The following ZFHX3 variants were observed in gnomAD, a reference collection of about 807,000 sequenced individuals.
The protein encoded by ZFHX3 is zinc finger homeobox protein 3.
A neutral mutation model predicts 279.1 loss-of-function variants in ZFHX3; 42 were observed. The ratio of observed to expected loss-of-function variants is 0.15; its 90% CI spans 0.12 to 0.19. The LOEUF (loss-of-function observed/expected upper bound fraction) is 0.19, where lower values mean the gene tolerates loss of function less well. ZFHX3 is among the 10% of genes least tolerant of loss of function. The probability of loss-of-function intolerance (pLI) is 1.00; values close to 1 mark genes in which losing one functional copy is unlikely to be tolerated. For synonymous variants in ZFHX3, 2,293 were observed against 1,957.8 expected (o/e 1.17, Z -4.52); for missense variants, 4,981 against 4,754.0 (o/e 1.05, Z -1.40).
At chr16:73,727,313 G>A (rs931346645) in intron 1 of ZFHX3, among the ~76,000 whole-genome samples, 7 of 152,198 alleles carry the variant, frequency 4.6e-5, no homozygotes, top group African/African-American at 1.7e-4. Flanking sequence ...AGCTACCATT[G>A]AGAAGAAATA....
At chr16:72,946,249 T>A (rs1483156415) in intron 3 of ZFHX3, among the ~76,000 whole-genome samples, 1 of 152,172 alleles carries the variant, frequency 6.6e-6, no homozygotes, top group Non-Finnish European at 1.5e-5. Flanking sequence ...CAAGCAGAGT[T>A]GGCTTGGACA....
intron 1 of ZFHX3, among the ~76,000 whole-genome samples, chr16:73,033,305 C>A (rs2144681591): frequency 6.6e-6 from 1 of 152,288 alleles, no homozygotes; most frequent in East Asian, 1.9e-4. Context: ...CAGTGTCTGA[C>A]TGAGGGAGAA....
At chr16:73,732,498 G>A (rs2053577311) in intron 1 of ZFHX3, among the ~76,000 whole-genome samples, 1 of 152,226 alleles carries the variant, frequency 6.6e-6, no homozygotes, top group Non-Finnish European at 1.5e-5. Context: ...TGTTTCATAT[G>A]TTTTAGGATT....
chr16:73,549,984 A>C (rs975997665), intron 2 of ZFHX3, among the ~76,000 whole-genome samples: 3 of 151,762 alleles, frequency 2.0e-5, no homozygotes, highest in Non-Finnish European at 4.4e-5. Context: ...CTCTATGTTT[A>C]GATAAAACAA....
intron 5 of ZFHX3, among the ~76,000 whole-genome samples, chr16:73,251,965 GCA>G (rs2013520759): frequency 6.7e-6 from 1 of 149,438 alleles, no homozygotes; most frequent in Non-Finnish European, 1.5e-5. Flanking sequence ...CACACACCAT[GCA>G]CACACACATA....
intron 8 of ZFHX3, among the ~76,000 whole-genome samples, chr16:73,085,048 A>T (rs1222488776): frequency 3.3e-5 from 5 of 152,174 alleles, no homozygotes; most frequent in African/African-American, 1.2e-4. Context: ...AGAAAAAAAA[A>T]GTCCTAGAAC....
At chr16:73,467,890 T>G (rs142910125) in intron 2 of ZFHX3, among the ~76,000 whole-genome samples, 2 of 152,178 alleles carry the variant, frequency 1.3e-5, no homozygotes, top group Admixed American at 1.3e-4. Context: ...CTGGGTAACC[T>G]GCTAAGAACA....
At chr16:73,372,908 C>T (rs2016656728) in intron 3 of ZFHX3, among the ~76,000 whole-genome samples, 1 of 152,182 alleles carries the variant, frequency 6.6e-6, no homozygotes, top group Admixed American at 6.5e-5. Flanking sequence ...CGCATGCAGA[C>T]ACCTTCACAC....
chr16:73,605,614 T>C (rs1463483809), intron 2 of ZFHX3, among the ~76,000 whole-genome samples: 1 of 151,202 alleles, frequency 6.6e-6, no homozygotes, highest in African/African-American at 2.4e-5. Context: ...CAAGCGGATA[T>C]CTGCTTACAA....
At chr16:73,531,869 G>C (rs189048839) in intron 2 of ZFHX3, among the ~76,000 whole-genome samples, 1 of 152,188 alleles carries the variant, frequency 6.6e-6, no homozygotes, top group East Asian at 1.9e-4. Context: ...CAGGAAGATT[G>C]CTTAAGACCA....
intron 2 of ZFHX3, among the ~76,000 whole-genome samples, chr16:73,638,462 T>A (rs1403938329): frequency 1.3e-5 from 2 of 152,220 alleles, no homozygotes; most frequent in African/African-American, 4.8e-5. Context: ...GTATAAAGGT[T>A]GTCACCTGAA....
chr16:73,351,479 G>A (rs183493589), intron 3 of ZFHX3, among the ~76,000 whole-genome samples: 2 of 152,316 alleles, frequency 1.3e-5, no homozygotes, highest in Admixed American at 6.5e-5. Context: ...GCTGTGCAGA[G>A]GGGCCTTCTC....
chr16:72,822,534 A>AT lies in ZFHX3; in HGVS notation c.3529+7244dup, dbSNP rs955676565. Among the ~76,000 whole-genome samples the AT allele has an allele frequency of 4.6e-5, 7 of 151,984 alleles. No homozygotes were observed. In the East Asian group the frequency reaches 5.8e-4, roughly 13 times the overall value. On this transcript the variant is annotated intron_variant, in intron 5 of 9. Transcript: ENST00000268489. ...ATCCCCCATGGAAAGGCACAATGGT[A>AT]TTTTTTTTAAATAATCATGATTATA...
At chr16:73,340,932 A>T (rs2016019805) in intron 3 of ZFHX3, among the ~76,000 whole-genome samples, 1 of 152,226 alleles carries the variant, frequency 6.6e-6, no homozygotes, top group Non-Finnish European at 1.5e-5. Flanking sequence ...CATTTAAAAA[A>T]TTGCATGAAA....
At chr16:72,900,136 CAAA>C (rs10669734) in intron 3 of ZFHX3, among the ~76,000 whole-genome samples, 1 of 63,386 alleles carries the variant, frequency 1.6e-5, no homozygotes, top group Non-Finnish European at 3.2e-5. Flanking sequence ...ATGCCCTTGC[CAAA>C]AAAAAAAAAA....
intron 2 of ZFHX3, among the ~76,000 whole-genome samples, chr16:73,586,712 G>A (rs2051930883): frequency 6.6e-6 from 1 of 152,110 alleles, no homozygotes; most frequent in African/African-American, 2.4e-5. Flanking sequence ...GTTATTGGCA[G>A]ATGAGGCAGA....
chr16:73,307,139 C>G (rs990220031), intron 4 of ZFHX3, among the ~76,000 whole-genome samples: 1 of 152,170 alleles, frequency 6.6e-6, no homozygotes, highest in South Asian at 2.1e-4. Context: ...TTCATACATC[C>G]CAACATGTTT....
At chr16:73,873,515 G>C (rs981852224) in intron 1 of ZFHX3, among the ~76,000 whole-genome samples, 3 of 152,086 alleles carry the variant, frequency 2.0e-5, no homozygotes, top group Non-Finnish European at 2.9e-5. Flanking sequence ...CACACCAATG[G>C]CTCAGAAATG....
At chr16:72,937,351 G>C (rs896256512) in intron 3 of ZFHX3, among the ~76,000 whole-genome samples, 1 of 152,222 alleles carries the variant, frequency 6.6e-6, no homozygotes, top group Non-Finnish European at 1.5e-5. Flanking sequence ...TCACAGAAGA[G>C]AAGCCAACAG....
Sources: allele counts gnomAD v4.1 joint callset (sites outside exome capture counted in the v4.1 genomes callset), GRCh38; gene constraint gnomAD v4.1.1; transcripts MANE v1.5; gene names NCBI Gene and HGNC (gene_info 2026-07-23, HGNC 2026-07-21).